The following RBFOX1 variants were observed in gnomAD, a reference collection of about 807,000 sequenced individuals.
The protein encoded by RBFOX1 is RNA binding protein fox-1 homolog 1.
Under a neutral mutation model 57.7 loss-of-function variants are expected in RBFOX1, and 8 were observed. That is an observed-to-expected ratio of 0.14 (90% CI 0.08 to 0.25). The LOEUF is 0.25. Ranked by LOEUF, RBFOX1 falls within the 10% of genes least tolerant of loss-of-function variation. RBFOX1 has a pLI of 1.00. For missense variants in RBFOX1, 611 were observed against 548.5 expected (o/e 1.11, Z -1.14); for synonymous variants, 326 against 222.4 (o/e 1.47, Z -4.15).
Position 7,524,372 on chromosome 16 carries a change from C to CT in RBFOX1, c.270+5990dup, listed in dbSNP as rs906958098. 3.3e-5 allele frequency among the ~76,000 whole-genome samples: 5 copies of CT among 152,134 alleles called. No individual in the cohort carries two copies. The East Asian group carries it at 7.7e-4, about 23-fold the overall frequency. ...CAGGCTGAGATGAGTCCCTGCAGGC[C>CT]TTTTTTTCTGCTGAATTTCTATTTC... On this transcript the variant is annotated intron_variant, in intron 5 of 15. Transcript: ENST00000550418.
intron 3 of RBFOX1, among the ~76,000 whole-genome samples, chr16:6,912,843 C>G (rs2072045140): frequency 6.6e-6 from 1 of 151,950 alleles, no homozygotes; most frequent in Admixed American, 6.5e-5. Flanking sequence ...TAGACTCAAA[C>G]TCCTGAGCTC....
intron 1 of RBFOX1, among the ~76,000 whole-genome samples, chr16:6,087,980 C>T (rs1218618479): frequency 3.9e-5 from 6 of 152,172 alleles, no homozygotes; most frequent in South Asian, 2.1e-4. Flanking sequence ...AAAACTCCTG[C>T]GTGTGTGTGT....
intron 3 of RBFOX1, among the ~76,000 whole-genome samples, chr16:6,817,799 A>G (rs1018840962): frequency 6.6e-6 from 1 of 152,078 alleles, no homozygotes; most frequent in Non-Finnish European, 1.5e-5. Context: ...TCTGACAAAA[A>G]CCTTATTAAC....
intron 4 of RBFOX1, among the ~76,000 whole-genome samples, chr16:5,868,177 C>G (rs965612903): frequency 2.6e-5 from 4 of 152,108 alleles, no homozygotes; most frequent in Admixed American, 1.3e-4. Flanking sequence ...CAAAATATGC[C>G]CAGCACGATA....
chr16:6,376,654 G>A (rs1188949650), intron 2 of RBFOX1, among the ~76,000 whole-genome samples: 1 of 152,134 alleles, frequency 6.6e-6, no homozygotes, highest in African/African-American at 2.4e-5. Context: ...CCTTGGTTTA[G>A]GGCCCAACTA....
Position 6,256,233 on chromosome 16 carries a change from G to GTATATATATA in RBFOX1, c.-126-60761_-126-60760insATATATATAT, listed in dbSNP as rs1325348390. Among the ~76,000 whole-genome samples the GTATATATATA allele has an allele frequency of 2.2e-3, 94 of 42,108 alleles. 2 individuals carry two copies. The highest frequency in any genetic ancestry group is 6.6e-3 in the African/African-American group (86 of 13,040). 27.6% of individuals were successfully genotyped at this position (42,108 alleles called of 152,430 possible). The stretch of plus-strand genomic sequence containing the variant: ...TGTGTATATATATGTATATATATAT[G>GTATATATATA]TGTATATATATATGTATATATATGT... On this transcript the variant is annotated intron_variant, in intron 1 of 15. Coordinates refer to ENST00000550418, the MANE Select transcript of RBFOX1 (RefSeq NM_018723.4).
chr16:6,635,145 T>C (rs2098421663), intron 2 of RBFOX1, among the ~76,000 whole-genome samples: 1 of 147,132 alleles, frequency 6.8e-6, no homozygotes, highest in Non-Finnish European at 1.5e-5. Context: ...ATATTAAATG[T>C]ATATGATATG....
intron 1 of RBFOX1, among the ~76,000 whole-genome samples, chr16:5,447,492 A>C (rs2068284594): frequency 6.6e-6 from 1 of 151,610 alleles, no homozygotes; most frequent in Non-Finnish European, 1.5e-5. Context: ...ACTGCAACTG[A>C]ATTCAAGTGG....
intron 3 of RBFOX1, among the ~76,000 whole-genome samples, chr16:5,847,430 A>G (rs937875665): frequency 1.3e-5 from 2 of 152,104 alleles, no homozygotes; most frequent in African/African-American, 4.8e-5. Flanking sequence ...GTGTGCACAG[A>G]TGTTACAGGA....
At chr16:6,988,399 G>A (rs28490144) in intron 3 of RBFOX1, among the ~76,000 whole-genome samples, 3,072 of 152,228 alleles carry the variant, frequency 0.02, 106 homozygotes, top group African/African-American at 0.07. Flanking sequence ...TAAGATATAT[G>A]CTGGATTTCA....
intron 3 of RBFOX1, among the ~76,000 whole-genome samples, chr16:5,772,338 C>G (rs1179595120): frequency 2.0e-5 from 3 of 149,840 alleles, no homozygotes; most frequent in African/African-American, 7.5e-5. Flanking sequence ...CTCCTAACAT[C>G]TTCCCATGTG....
chr16:5,542,087 T>A (rs1257356513), intron 2 of RBFOX1, among the ~76,000 whole-genome samples: 1 of 152,100 alleles, frequency 6.6e-6, no homozygotes, highest in South Asian at 2.1e-4. Context: ...TGAGGGTTGA[T>A]CTTATTCTAG....
At chr16:7,402,740 A>G (rs2098266201) in intron 4 of RBFOX1, among the ~76,000 whole-genome samples, 1 of 152,128 alleles carries the variant, frequency 6.6e-6, no homozygotes, top group Admixed American at 6.5e-5. Context: ...TGACTTTGAG[A>G]AGAAGGGTGC....
At chr16:6,940,962 C>T (rs2078333309) in intron 3 of RBFOX1, among the ~76,000 whole-genome samples, 1 of 151,866 alleles carries the variant, frequency 6.6e-6, no homozygotes, top group South Asian at 2.1e-4. Context: ...CCGTCTTGGC[C>T]TCTCAAAGTG....
chr16:5,617,611 C>T (rs1157134633), intron 3 of RBFOX1, among the ~76,000 whole-genome samples: 1 of 152,196 alleles, frequency 6.6e-6, no homozygotes, highest in Non-Finnish European at 1.5e-5. Context: ...TTTTGCCAAT[C>T]TTACTGTAAT....
rs78911968 is a variant in RBFOX1, at chr16:7,032,933, T to C, written c.-15-19124T>C. 5.7e-4 allele frequency among the ~76,000 whole-genome samples: 87 copies of C among 152,222 alleles called. 1 individual carries two copies. In the East Asian group the frequency reaches 0.015, roughly 26 times the overall value. On this transcript the variant is annotated intron_variant, in intron 3 of 15. Transcript: ENST00000550418. Reference sequence around the variant, plus strand: ...TGGGAAGGAGGCTTTTCCTGGCTGGTGGGAGAACAGCTTCAATTTGGGAGA... The same window carrying C: ...TGGGAAGGAGGCTTTTCCTGGCTGGCGGGAGAACAGCTTCAATTTGGGAGA...
At chr16:6,322,213 C>G (rs1282010797) in intron 2 of RBFOX1, among the ~76,000 whole-genome samples, 1 of 152,170 alleles carries the variant, frequency 6.6e-6, no homozygotes, top group East Asian at 1.9e-4. Context: ...GTCTTCATAC[C>G]TAAAGCCACC....
intron 3 of RBFOX1, among the ~76,000 whole-genome samples, chr16:6,927,170 T>C (rs1192397615): frequency 6.6e-6 from 1 of 152,018 alleles, no homozygotes; most frequent in Non-Finnish European, 1.5e-5. Flanking sequence ...TTCTGAATTG[T>C]TAGGTCTGGG....
At chr16:5,261,452 T>G (rs1181275866) in intron 1 of RBFOX1, among the ~76,000 whole-genome samples, 1 of 152,134 alleles carries the variant, frequency 6.6e-6, no homozygotes, top group African/African-American at 2.4e-5. Context: ...CTATTTTGAT[T>G]GGGCAGTAAT....
Sources: allele counts gnomAD v4.1 joint callset (sites outside exome capture counted in the v4.1 genomes callset), GRCh38; gene constraint gnomAD v4.1.1; transcripts MANE v1.5; gene names NCBI Gene and HGNC (gene_info 2026-07-23, HGNC 2026-07-21).